RNF111: variants seen among roughly 807,000 people sequenced by gnomAD.
RNF111 encodes the protein E3 ubiquitin-protein ligase Arkadia.
In RNF111, 17 loss-of-function variants were observed where a neutral mutation model predicts 95.1. The ratio of observed to expected loss-of-function variants is 0.18; its 90% CI spans 0.12 to 0.27. RNF111 has a LOEUF of 0.27. Ranked by LOEUF, RNF111 falls within the 10% of genes least tolerant of loss-of-function variation. The pLI, the probability that RNF111 is intolerant of heterozygous loss-of-function variation, is 1.00. For missense variants in RNF111, 1,189 were observed against 1,210.4 expected (o/e 0.98, Z 0.26); for synonymous variants, 440 against 414.8 (o/e 1.06, Z -0.74).
At chr15:59,029,915 C>T (rs1167353394) in intron 1 of RNF111, among the ~76,000 whole-genome samples, 1 of 152,114 alleles carries the variant, frequency 6.6e-6, no homozygotes, top group Non-Finnish European at 1.5e-5. Flanking sequence ...ATTGTTTATT[C>T]ATGTTTTGCA....
chr15:59,043,114 T>C (rs2041543616), intron 2 of RNF111, among the ~76,000 whole-genome samples: 1 of 152,176 alleles, frequency 6.6e-6, no homozygotes, highest in African/African-American at 2.4e-5. Flanking sequence ...AAATTCATTT[T>C]AACTATTATA....
rs2039507230 is a variant in RNF111, at chr15:59,005,633, A to C, written c.-20+17565A>C. ...GAGGTTCACTTGAATAAGTTAGACT[A>C]GTTTGAGGTGGGTGTAGCTAGAGGA... On this transcript the variant is annotated intron_variant, in intron 1 of 13. Transcript: ENST00000348370. Among the ~76,000 whole-genome samples, 6 of 152,128 alleles carry C rather than the reference A, an allele frequency of 3.9e-5. No individual in the cohort carries two copies. The South Asian group carries it at 1.2e-3, about 32-fold the overall frequency.
At chr15:59,027,772 A>C (rs1015609700) in intron 1 of RNF111, among the ~76,000 whole-genome samples, 2 of 150,424 alleles carry the variant, frequency 1.3e-5, no homozygotes, top group Admixed American at 6.6e-5. Context: ...ACCTCAGGTG[A>C]TCCACCCGCT....
chr15:59,043,213 G>C (rs537425051), intron 2 of RNF111, among the ~76,000 whole-genome samples: 1 of 150,556 alleles, frequency 6.6e-6, no homozygotes, highest in South Asian at 2.1e-4. Flanking sequence ...GGAGTGCAGT[G>C]GTGCGATCTC....
intron 5 of RNF111, among the ~76,000 whole-genome samples, chr15:59,064,021 G>T (rs2042549184): frequency 6.6e-6 from 1 of 152,092 alleles, no homozygotes; most frequent in South Asian, 2.1e-4. Context: ...AGCAAGTAAA[G>T]CTACTGTAAT....
At chr15:59,058,757 T>G in intron 5 of RNF111, 1 of 509,918 alleles carries the variant, frequency 2.0e-6, no homozygotes, top group Admixed American at 3.2e-5. Flanking sequence ...CAGAGTATTA[T>G]AGCTCAAATA....
At chr15:58,991,246 G>A (rs923572499) in intron 1 of RNF111, among the ~76,000 whole-genome samples, 9 of 151,882 alleles carry the variant, frequency 5.9e-5, no homozygotes, top group Non-Finnish European at 8.8e-5. Flanking sequence ...CCACTGAGCT[G>A]AGATCTGCAC....
At chr15:59,093,273 T>C (rs375588442) in intron 13 of RNF111, 14 of 354,190 alleles carry the variant, frequency 4.0e-5, no homozygotes, top group East Asian at 1.7e-4. Flanking sequence ...TAGAAAGTTA[T>C]AATGTGTTCT....
intron 10 of RNF111, among the ~76,000 whole-genome samples, chr15:59,088,730 C>T (rs1188492038): frequency 1.3e-5 from 2 of 152,158 alleles, no homozygotes; most frequent in East Asian, 1.9e-4. Context: ...CACAACTAAT[C>T]AGTGTATAAC....
At position 59,071,905 on chromosome 15, in the gene RNF111, T is replaced by C. The variant is rs1169517537; in HGVS notation, c.1687-4049T>C. On this transcript the variant is annotated intron_variant, in intron 6 of 13. Coordinates refer to ENST00000348370, the MANE Select transcript of RNF111 (RefSeq NM_017610.8). ...TGCAATAAAGCAAGTCACATGAATTTTTTTGTTTCCCAGTACATATAAAAT... is the reference window on the plus strand; with the variant it reads ...TGCAATAAAGCAAGTCACATGAATTCTTTTGTTTCCCAGTACATATAAAAT... Among the ~76,000 whole-genome samples the C allele has an allele frequency of 2.0e-5, 3 of 152,162 alleles. No individual in the cohort carries two copies. The East Asian group carries it at 5.8e-4, about 29-fold the overall frequency.
intron 5 of RNF111, among the ~76,000 whole-genome samples, chr15:59,063,384 T>G (rs2142049293): frequency 6.6e-6 from 1 of 152,344 alleles, no homozygotes; most frequent in East Asian, 1.9e-4. Flanking sequence ...GAGTAATTCA[T>G]GCCTGCCTCT....
At chr15:58,989,331 T>C (rs1013451197) in intron 1 of RNF111, among the ~76,000 whole-genome samples, 1 of 152,250 alleles carries the variant, frequency 6.6e-6, no homozygotes, top group Admixed American at 6.5e-5. Context: ...TGATTTATCT[T>C]ATTTTGGACA....
Position 59,067,057 on chromosome 15 carries a change from AGTT to A in RNF111, c.1661_1663del (p.Ser554_Ser555delinsThr). ...ACAAGCACCTTGTGGAGCAAATAGT[AGTT>A]CTGGTACCAGCTATCATGAACAGGT... is the stretch of plus-strand genomic sequence containing the variant. On this transcript the variant is annotated inframe_deletion, in exon 6 of 14. Transcript: ENST00000348370. 1 of 1,614,028 alleles carries A rather than the reference AGTT, an allele frequency of 6.2e-7. No homozygotes were observed. Among genetic ancestry groups the A allele is most frequent in the Non-Finnish European group, 8.5e-7 (1 of 1,179,980 alleles).
chr15:59,080,885 T>C (rs1948174734), intron 7 of RNF111, 51 bp from the exon 8 acceptor site: 2 of 1,358,044 alleles, frequency 1.5e-6, no homozygotes. Context: ...TAGCAATATA[T>C]GTTCAACTGC....
intron 9 of RNF111, 71 bp downstream of exon 9, chr15:59,084,325 T>A: frequency 7.3e-7 from 1 of 1,375,368 alleles, no homozygotes; most frequent in Non-Finnish European, 9.6e-7. Context: ...AGATGCCTTG[T>A]GATTGATTGC....
At chr15:59,037,836 C>CA (rs1301667055) in intron 2 of RNF111, among the ~76,000 whole-genome samples, 4 of 147,392 alleles carry the variant, frequency 2.7e-5, no homozygotes, top group Non-Finnish European at 6.0e-5. Context: ...AACTCCCTCT[C>CA]AAAAAAAAAA....
At chr15:59,070,059 T>TA (rs767089674) in intron 6 of RNF111, among the ~76,000 whole-genome samples, 3 of 100,614 alleles carry the variant, frequency 3.0e-5, no homozygotes, top group Non-Finnish European at 4.0e-5. Context: ...TTTTTTTTTT[T>TA]AGAGAGGATC....
chr15:59,020,693 A>T (rs551722221), intron 1 of RNF111, among the ~76,000 whole-genome samples: 1 of 152,270 alleles, frequency 6.6e-6, no homozygotes, highest in Admixed American at 6.5e-5. Flanking sequence ...CTATTAGTTG[A>T]GAGAGGTTTA....
chr15:59,083,648 C>G (rs184937393), intron 8 of RNF111, among the ~76,000 whole-genome samples: 76 of 151,802 alleles, frequency 5.0e-4, no homozygotes, highest in African/African-American at 1.6e-3. Flanking sequence ...TTCTCTTAAA[C>G]TTTCATCCAT....
Sources: gnomAD v4.1 joint callset for allele counts (sites outside exome capture counted in the v4.1 genomes callset) on GRCh38, gnomAD v4.1.1 for gene constraint, MANE v1.5 for transcripts, NCBI Gene and HGNC (gene_info 2026-07-23, HGNC 2026-07-21) for gene names.